The following CNBD1 variants were observed in gnomAD, a reference collection of about 807,000 sequenced individuals.
The protein encoded by CNBD1 is cyclic nucleotide binding domain containing 1, also known as cyclic nucleotide-binding domain-containing protein 1.
In CNBD1, 71 loss-of-function variants were observed where a neutral mutation model predicts 54.4. The ratio of observed to expected loss-of-function variants is 1.30; its 90% CI spans 1.08 to 1.59. The LOEUF (loss-of-function observed/expected upper bound fraction) is 1.59. Ranked by LOEUF, CNBD1 falls within the 40% of genes most tolerant of loss-of-function variation. CNBD1 has a pLI of 0.00. For missense variants in CNBD1, 659 were observed against 518.0 expected (o/e 1.27, Z -2.64); for synonymous variants, 182 against 170.7 (o/e 1.07, Z -0.51).
intron 2 of CNBD1, among the ~76,000 whole-genome samples, chr8:87,400,320 T>C (rs1807532642): frequency 6.6e-6 from 1 of 151,996 alleles, no homozygotes; most frequent in African/African-American, 2.4e-5. Context: ...TATTTAAAAA[T>C]CTGGTACCAG....
chr8:87,114,097 GCTA>G (rs1384959305), intron 4 of CNBD1, among the ~76,000 whole-genome samples: 3 of 152,216 alleles, frequency 2.0e-5, no homozygotes, highest in South Asian at 2.1e-4. Flanking sequence ...GAGAAAGTGA[GCTA>G]CTATTAGAAT....
At position 86,878,037 on chromosome 8, in the gene CNBD1, T is replaced by A. The variant is rs143302220; in HGVS notation, c.89-9505T>A. On this transcript the variant is annotated intron_variant, in intron 1 of 10. Coordinates refer to ENST00000518476, the MANE Select transcript of CNBD1 (RefSeq NM_173538.3). ...CTTGTAATTTCTTTCTGTTTTCCTA[T>A]TTATGGTTAATGCCATGTAATTTTG... Among the ~76,000 whole-genome samples the A allele has an allele frequency of 1.4e-3, 213 of 151,676 alleles. 3 individuals carry two copies. The highest frequency in any genetic ancestry group is 4.8e-3 in the African/African-American group (200 of 41,410).
At chr8:86,976,058 A>G (rs1196410224) in intron 4 of CNBD1, among the ~76,000 whole-genome samples, 1 of 151,354 alleles carries the variant, frequency 6.6e-6, no homozygotes, top group African/African-American at 2.4e-5. Context: ...TCCTTTGCCT[A>G]TGTTTTTTAA....
At chr8:86,971,555 A>T (rs1346147025) in intron 4 of CNBD1, among the ~76,000 whole-genome samples, 1 of 152,204 alleles carries the variant, frequency 6.6e-6, no homozygotes, top group Non-Finnish European at 1.5e-5. Context: ...TACTATTCCG[A>T]AAATGTATTA....
chr8:86,903,732 A>G (rs1419013512), intron 2 of CNBD1, among the ~76,000 whole-genome samples: 1 of 152,088 alleles, frequency 6.6e-6, no homozygotes, highest in Admixed American at 6.6e-5. Context: ...GTATATTGTC[A>G]GGTTATATAA....
chr8:86,954,801 C>T (rs1043463537), intron 4 of CNBD1, among the ~76,000 whole-genome samples: 1 of 152,168 alleles, frequency 6.6e-6, no homozygotes, highest in African/African-American at 2.4e-5. Flanking sequence ...CAGGCCTTAC[C>T]AAACTGTAAA....
intron 5 of CNBD1, among the ~76,000 whole-genome samples, chr8:87,210,998 C>A (rs1190465613): frequency 6.6e-6 from 1 of 152,130 alleles, no homozygotes; most frequent in Non-Finnish European, 1.5e-5. Flanking sequence ...CTGAGAGCAA[C>A]CTCAGGGGCC....
chr8:86,935,691 A>G (rs1258341468), intron 3 of CNBD1, among the ~76,000 whole-genome samples: 1 of 152,076 alleles, frequency 6.6e-6, no homozygotes, highest in East Asian at 1.9e-4. Flanking sequence ...AGATTATTAG[A>G]TTTCTAAATA....
chr8:87,321,567 G>T (rs1369088400), intron 8 of CNBD1, among the ~76,000 whole-genome samples: 1 of 152,018 alleles, frequency 6.6e-6, no homozygotes, highest in African/African-American at 2.4e-5. Flanking sequence ...AGTTATAGAT[G>T]TTCCTTATAT....
chr8:87,127,991 A>G (rs1252171659), intron 4 of CNBD1, among the ~76,000 whole-genome samples: 2 of 152,156 alleles, frequency 1.3e-5, no homozygotes, highest in Non-Finnish European at 2.9e-5. Context: ...ACAGAAGAGC[A>G]GAAGAATAGC....
intron 2 of CNBD1, among the ~76,000 whole-genome samples, chr8:87,407,275 A>G (rs771258475): frequency 6.6e-5 from 10 of 152,114 alleles, no homozygotes; most frequent in Admixed American, 1.3e-4. Flanking sequence ...ATATCATTTA[A>G]TATATGGCCT....
chr8:86,948,161 TTGA>T (rs1458453267), intron 4 of CNBD1, among the ~76,000 whole-genome samples: 4 of 152,146 alleles, frequency 2.6e-5, no homozygotes, highest in African/African-American at 9.7e-5. Flanking sequence ...CATTCTTCTG[TTGA>T]TGGACACTTA....
intron 2 of CNBD1, among the ~76,000 whole-genome samples, chr8:87,389,355 G>T (rs13277952): frequency 0.4 from 60,701 of 151,932 alleles, 12,380 homozygotes; most frequent in Middle Eastern, 0.46. Flanking sequence ...GAAAACCCCA[G>T]CGTCTCAGCC....
intron 4 of CNBD1, among the ~76,000 whole-genome samples, chr8:87,089,195 A>G (rs1238309403): frequency 6.6e-6 from 1 of 152,166 alleles, no homozygotes; most frequent in Non-Finnish European, 1.5e-5. Flanking sequence ...AGAGATTGAA[A>G]AAAGGGTAAT....
chr8:87,150,160 G>A (rs1450168875), intron 4 of CNBD1, among the ~76,000 whole-genome samples: 1 of 151,650 alleles, frequency 6.6e-6, no homozygotes, highest in Non-Finnish European at 1.5e-5. Flanking sequence ...CTGGGTGACA[G>A]AGCAAGACTC....
chr8:87,353,891 G>T, intron 10 of CNBD1, 105 bp downstream of exon 10: 2 of 727,116 alleles, frequency 2.8e-6, no homozygotes, highest in South Asian at 2.3e-5. Flanking sequence ...TATTAAATTG[G>T]GGTTCACCTG....
chr8:87,377,085 TATTTC>T (rs542176687), intron 10 of CNBD1, among the ~76,000 whole-genome samples: 2,682 of 148,202 alleles, frequency 0.018, 79 homozygotes, highest in African/African-American at 0.059. Flanking sequence ...TATTTTATTT[TATTTC>T]TTATTTTTAT....
chr8:87,065,638 A>G (rs1314103900), intron 4 of CNBD1, among the ~76,000 whole-genome samples: 2 of 152,000 alleles, frequency 1.3e-5, no homozygotes, highest in Non-Finnish European at 2.9e-5. Context: ...TAAAAACATC[A>G]GAAACTGACA....
intron 4 of CNBD1, among the ~76,000 whole-genome samples, chr8:87,035,407 G>A (rs12547742): frequency 2.0e-5 from 3 of 152,060 alleles, no homozygotes; most frequent in African/African-American, 7.2e-5. Flanking sequence ...AAATAAATTA[G>A]GAAGATTTTA....
Sources: gnomAD v4.1 joint callset for allele counts (sites outside exome capture counted in the v4.1 genomes callset) on GRCh38, gnomAD v4.1.1 for gene constraint, MANE v1.5 for transcripts, NCBI Gene and HGNC (gene_info 2026-07-23, HGNC 2026-07-21) for gene names.